Variants in BAIAP2 observed in about 807,000 individuals in gnomAD.
BAIAP2 encodes BAR/IMD domain containing adaptor protein 2, also known as BAR/IMD domain-containing adapter protein 2.
Under a neutral mutation model 63.0 loss-of-function variants are expected in BAIAP2, and 18 were observed. That is an observed-to-expected ratio of 0.29 (90% CI 0.20 to 0.42). The LOEUF (loss-of-function observed/expected upper bound fraction) is 0.42. BAIAP2 is among the 10% of genes least tolerant of loss of function. The pLI is 1.00. For missense variants in BAIAP2, 610 were observed against 734.3 expected (o/e 0.83, Z 1.96); for synonymous variants, 386 against 307.6 (o/e 1.25, Z -2.67).
chr17:81,116,119 C>G lies in BAIAP2; in HGVS notation c.*280C>G, dbSNP rs958171378. 1 of 1,568,324 alleles carries G rather than the reference C, an allele frequency of 6.4e-7. No homozygotes were observed. The highest frequency in any genetic ancestry group is 2.3e-5 in the East Asian group (1 of 44,318). The stretch of plus-strand genomic sequence containing the variant: ...CGCCTCTGGTCACATGGCCATGGAG[C>G]CTTGGGTACCCCTGAGTTAAGGGAG... On this transcript the variant is annotated 3_prime_UTR_variant, in exon 14 of 14. Transcript: ENST00000428708.
chr17:81,085,153 C>T (rs963390984), intron 4 of BAIAP2: 8 of 561,726 alleles, frequency 1.4e-5, no homozygotes, highest in East Asian at 3.0e-5. Flanking sequence ...GAGTCCTGAT[C>T]GCAGCCCCAG....
intron 1 of BAIAP2, among the ~76,000 whole-genome samples, chr17:81,044,839 C>T (rs569682879): frequency 8.5e-5 from 13 of 152,356 alleles, no homozygotes; most frequent in Admixed American, 4.6e-4. Flanking sequence ...GCTGGCAAGG[C>T]GCCAGCTCAG....
intron 3 of BAIAP2, among the ~76,000 whole-genome samples, chr17:81,061,348 G>A (rs1367178113): frequency 6.6e-6 from 1 of 152,204 alleles, no homozygotes; most frequent in African/African-American, 2.4e-5. Flanking sequence ...CCAGTGTGAT[G>A]AGTTTTGACG....
chr17:81,084,876 A>G lies in BAIAP2; in HGVS notation c.262A>G (p.Asn88Asp). ...GGCTGAAGTCCACAGGCAGATCCAGAATCAGCTGGAAGAAATGGTGAGTCC... is the reference window on the plus strand; with the variant it reads ...GGCTGAAGTCCACAGGCAGATCCAGGATCAGCTGGAAGAAATGGTGAGTCC... ...QMAEVHRQIQ[N>D]QLEEMLKSFH... Residue 88 changes from asparagine to aspartate, a missense_variant, in exon 4 of 14, where the codon AAT (asparagine) becomes GAT (aspartate). Physicochemically the swap from Asn to Asp is conservative, Grantham distance 23. Coordinates refer to ENST00000428708, the MANE Select transcript of BAIAP2 (RefSeq NM_001144888.2). The G allele has an allele frequency of 1.2e-6, 2 of 1,613,828 alleles. No homozygotes were observed. The highest frequency in any genetic ancestry group is 1.7e-6 in the Non-Finnish European group (2 of 1,180,014).
chr17:81,109,024 C>T (rs779066334), intron 13 of BAIAP2: 219 of 1,540,654 alleles, frequency 1.4e-4, no homozygotes, highest in Non-Finnish European at 1.7e-4. Flanking sequence ...GCAGCCGCTG[C>T]TCTGAAGAGC....
At chr17:81,103,463 C>G (rs2058753573) in intron 7 of BAIAP2, 39 bp from the exon 8 acceptor site, 6 of 1,524,492 alleles carry the variant, frequency 3.9e-6, no homozygotes, top group Non-Finnish European at 5.3e-6. Context: ...GGAGACTGAG[C>G]CGGCCCTGAC....
At chr17:81,057,689 G>C in intron 2 of BAIAP2, 192 bp from the exon 3 acceptor site, 1 of 1,379,998 alleles carries the variant, frequency 7.2e-7, no homozygotes, top group Non-Finnish European at 9.3e-7. Context: ...TCTCATGATT[G>C]GGGTGAAACA....
intron 6 of BAIAP2, among the ~76,000 whole-genome samples, chr17:81,093,058 G>A (rs558258066): frequency 2.0e-3 from 296 of 151,176 alleles, no homozygotes; most frequent in African/African-American, 6.8e-3. Flanking sequence ...CAGGGTGGGA[G>A]GCGAGTGGCC....
chr17:81,080,501 C>T (rs894367682), intron 3 of BAIAP2, among the ~76,000 whole-genome samples: 2 of 152,242 alleles, frequency 1.3e-5, no homozygotes, highest in African/African-American at 2.4e-5. Flanking sequence ...CATTTGAGTG[C>T]TGCAGCTGCA....
At chr17:81,089,833 G>A (rs970442124) in intron 6 of BAIAP2, among the ~76,000 whole-genome samples, 1 of 152,188 alleles carries the variant, frequency 6.6e-6, no homozygotes. Context: ...GGGCCCCGAA[G>A]CGCATGGTAG....
chr17:81,115,283 C>T (rs2060402082), intron 13 of BAIAP2, among the ~76,000 whole-genome samples: 1 of 152,238 alleles, frequency 6.6e-6, no homozygotes, highest in African/African-American at 2.4e-5. Flanking sequence ...AGCCGTGAGC[C>T]TAACCTGCCT....
intron 1 of BAIAP2, among the ~76,000 whole-genome samples, chr17:81,041,524 A>G (rs1414126546): frequency 6.6e-6 from 1 of 152,082 alleles, no homozygotes; most frequent in Non-Finnish European, 1.5e-5. Flanking sequence ...TTGTCTTATA[A>G]TTGGGTAGTG....
chr17:81,036,889 C>G, intron 1 of BAIAP2: 6 of 1,535,942 alleles, frequency 3.9e-6, no homozygotes, highest in Non-Finnish European at 5.2e-6. Context: ...ACCAGCGGAA[C>G]CTTTTTCCTA....
intron 13 of BAIAP2, among the ~76,000 whole-genome samples, chr17:81,115,544 G>A (rs980891862): frequency 6.6e-6 from 1 of 152,194 alleles, no homozygotes; most frequent in Non-Finnish European, 1.5e-5. Context: ...GGGGCACCCT[G>A]CCTTGTCTAG....
rs2060576977 is a variant in BAIAP2, at chr17:81,117,396, G to A, written c.*1557G>A. On this transcript the variant is annotated 3_prime_UTR_variant, in exon 14 of 14. Transcript: ENST00000428708. ...CAAAACACAAAACAAATCCCCCTGC[G>A]AAGCAACAATAAACTTTACATCTCT... 1 of 152,390 alleles carries A rather than the reference G, an allele frequency of 6.6e-6. No individual in the cohort carries two copies. The highest frequency in any genetic ancestry group is 3.4e-3 in the Middle Eastern group (1 of 294). The allele number at this position is 152,390 out of a possible 1,614,324, so 9.4% of individuals were successfully genotyped here.
At chr17:81,075,948 T>G (rs887764376) in intron 3 of BAIAP2, among the ~76,000 whole-genome samples, 1 of 151,894 alleles carries the variant, frequency 6.6e-6, no homozygotes, top group African/African-American at 2.4e-5. Flanking sequence ...TTTTTTTTTT[T>G]TTTTGTAGTG....
intron 3 of BAIAP2, among the ~76,000 whole-genome samples, chr17:81,078,983 C>T (rs956907543): frequency 6.6e-6 from 1 of 152,138 alleles, no homozygotes; most frequent in South Asian, 2.1e-4. Context: ...AGACCAGGCT[C>T]AGCCTGCAGG....
At chr17:81,109,306 G>A in intron 13 of BAIAP2, 2 of 1,188,380 alleles carry the variant, frequency 1.7e-6, no homozygotes, top group Non-Finnish European at 2.1e-6. Flanking sequence ...CAGTGTCTGT[G>A]GCACTCACTG....
Position 81,069,181 on chromosome 17 carries a change from G to A in BAIAP2, c.217+11214G>A, listed in dbSNP as rs532979183. On this transcript the variant is annotated intron_variant, in intron 3 of 13. Transcript: ENST00000428708. ...TGGTGGGTCCACGGGCATTCGTGAC[G>A]GTCTCCTAGGTACAGTTTATACATT... 2.6e-5 allele frequency among the ~76,000 whole-genome samples: 4 copies of A among 152,112 alleles called. No homozygotes were observed. The East Asian group carries it at 7.7e-4, about 29-fold the overall frequency.
Sources: gnomAD v4.1 joint callset for allele counts (sites outside exome capture counted in the v4.1 genomes callset) on GRCh38, gnomAD v4.1.1 for gene constraint, MANE v1.5 for transcripts, NCBI Gene and HGNC (gene_info 2026-07-23, HGNC 2026-07-21) for gene names.